The following CDK17 variants were observed in gnomAD, a reference collection of about 807,000 sequenced individuals.
CDK17 encodes the protein cyclin-dependent kinase 17.
In CDK17, 24 loss-of-function variants were observed where a neutral mutation model predicts 77.6. The ratio of observed to expected loss-of-function variants is 0.31; its 90% CI spans 0.22 to 0.44. The LOEUF (loss-of-function observed/expected upper bound fraction) is 0.44. Among genes scored for constraint, CDK17 ranks in the 20% least tolerant of loss-of-function variants. The probability of loss-of-function intolerance (pLI) is 1.00; values close to 1 mark genes in which losing one functional copy is unlikely to be tolerated. For synonymous variants in CDK17, 203 were observed against 210.4 expected (o/e 0.96, Z 0.30); for missense variants, 429 against 622.5 (o/e 0.69, Z 3.31).
intron 5 of CDK17, among the ~76,000 whole-genome samples, chr12:96,304,845 G>A (rs1269581717): frequency 1.3e-5 from 2 of 152,076 alleles, no homozygotes; most frequent in East Asian, 3.9e-4. Context: ...GCTGAGAGAT[G>A]TAAGGACTTG....
intron 1 of CDK17, among the ~76,000 whole-genome samples, chr12:96,362,321 T>C (rs901695041): frequency 2.6e-5 from 4 of 152,058 alleles, no homozygotes; most frequent in African/African-American, 7.2e-5. Flanking sequence ...TGGGTTCAAG[T>C]AATTCTCCTG....
intron 1 of CDK17, among the ~76,000 whole-genome samples, chr12:96,349,141 G>C (rs1397853951): frequency 6.6e-6 from 1 of 152,120 alleles, no homozygotes; most frequent in Non-Finnish European, 1.5e-5. Flanking sequence ...AGAATGCGAC[G>C]GTGGTTCAAC....
In CDK17 at chr12:96,400,082, G is replaced by C. The variant is rs1199789275; in HGVS notation, c.-126C>G. 1 of 390,690 alleles carries C rather than the reference G, an allele frequency of 2.6e-6. No homozygotes were observed. The highest frequency in any genetic ancestry group is 4.5e-6 in the Non-Finnish European group (1 of 221,120). 24.2% of individuals were successfully genotyped at this position (390,690 alleles called of 1,614,324 possible). On this transcript the variant is annotated 5_prime_UTR_variant, in exon 1 of 17. Transcript: ENST00000261211. ...CCCGCGGCGACCGGATGCAAGTCCG[G>C]GTCTCAGCGGCCGGCAGACGTGAGG...
chr12:96,314,195 G>C (rs1177027364), intron 3 of CDK17, among the ~76,000 whole-genome samples: 6 of 152,010 alleles, frequency 3.9e-5, no homozygotes, highest in Admixed American at 3.9e-4. Context: ...ATTAAAAACA[G>C]ACATATACTG....
intron 10 of CDK17, among the ~76,000 whole-genome samples, chr12:96,290,845 T>A (rs1952315193): frequency 2.0e-5 from 3 of 152,216 alleles, no homozygotes; most frequent in Admixed American, 2.0e-4. Context: ...TTTGTGTACA[T>A]GGCCTTCTAG....
chr12:96,280,015 C>T lies in CDK17; in HGVS notation c.*227G>A, dbSNP rs1229044134. 9 of 442,018 alleles carry T rather than the reference C, an allele frequency of 2.0e-5. No homozygotes were observed. Among genetic ancestry groups the T allele is most frequent in the Non-Finnish European group, 3.6e-5 (9 of 251,246 alleles). 27.4% of individuals were successfully genotyped at this position (442,018 alleles called of 1,614,324 possible). ...TACATCAATAGCTGTAACCTACTGG[C>T]TCTAATGGCAGAGAAGACCTTAAAA... is the stretch of plus-strand genomic sequence containing the variant. On this transcript the variant is annotated 3_prime_UTR_variant, in exon 17 of 17. Transcript: ENST00000261211.
At chr12:96,377,585 A>G (rs1369790599) in intron 1 of CDK17, among the ~76,000 whole-genome samples, 1 of 152,226 alleles carries the variant, frequency 6.6e-6, no homozygotes, top group Non-Finnish European at 1.5e-5. Flanking sequence ...AAAGTCTGAC[A>G]ACACATTCAG....
At chr12:96,370,822 T>G (rs1953679115) in intron 1 of CDK17, among the ~76,000 whole-genome samples, 1 of 152,224 alleles carries the variant, frequency 6.6e-6, no homozygotes, top group Non-Finnish European at 1.5e-5. Flanking sequence ...ATTTGTTAAC[T>G]TCGTAATGTT....
In CDK17 at chr12:96,400,301, C is replaced by T. The variant is rs1285696733; in HGVS notation, c.-345G>A. ...CGGGCGCGAGCGCGGCGGGCGCCGA[C>T]GGCGGGCTGAGACTGTCTGGCCGGG... On this transcript the variant is annotated 5_prime_UTR_variant, in exon 1 of 17. Transcript: ENST00000261211. 5 of 389,738 alleles carry T rather than the reference C, an allele frequency of 1.3e-5. No individual in the cohort carries two copies. Among genetic ancestry groups the T allele is most frequent in the Non-Finnish European group, 1.8e-5 (4 of 220,310 alleles). The allele number at this position is 389,738 out of a possible 1,614,324, so 24.1% of individuals were successfully genotyped here. A position where few individuals can be genotyped will look rare whatever the true frequency, so the allele number is the denominator to read the frequency against.
intron 3 of CDK17, among the ~76,000 whole-genome samples, chr12:96,322,727 T>C (rs1952839241): frequency 1.3e-5 from 2 of 152,218 alleles, no homozygotes; most frequent in South Asian, 2.1e-4. Context: ...TTAAAAGTGG[T>C]AAAAAATTAG....
At chr12:96,377,089 C>G (rs1953791951) in intron 1 of CDK17, among the ~76,000 whole-genome samples, 1 of 152,120 alleles carries the variant, frequency 6.6e-6, no homozygotes, top group Non-Finnish European at 1.5e-5. Context: ...CATGCTGATG[C>G]AGGTATAACC....
At chr12:96,308,696 C>T (rs940226242) in intron 5 of CDK17, among the ~76,000 whole-genome samples, 6 of 148,958 alleles carry the variant, frequency 4.0e-5, no homozygotes, top group Admixed American at 1.3e-4. Context: ...CCACTACACT[C>T]CAGCTTGGGT....
At position 96,286,697 on chromosome 12, in the gene CDK17, C is replaced by T; in HGVS notation, c.1183G>A (p.Glu395Lys). The T allele has an allele frequency of 6.2e-7, 1 of 1,613,538 alleles. No individual in the cohort carries two copies. Among genetic ancestry groups the T allele is most frequent in the Non-Finnish European group, 8.5e-7 (1 of 1,179,626 alleles). ...CGGAAAATTAAGTGCAGTTCATCTT[C>T]CACGGTTGATCCTGGAAATAAAGGT... ...GRPLFPGSTV[E>K]DELHLIFRLL... Residue 395 changes from glutamate (E) to lysine (K), a missense_variant, in exon 12 of 17, where the codon GAA (glutamate) becomes AAA (lysine). By Grantham distance (56) the Glu-to-Lys change is moderately conservative. Transcript: ENST00000261211.
Position 96,299,535 on chromosome 12 carries a change from C to T in CDK17, c.601-552G>A, listed in dbSNP as rs970457497. Among the ~76,000 whole-genome samples, 12 of 152,096 alleles carry T rather than the reference C, an allele frequency of 7.9e-5. No individual in the cohort carries two copies. In the South Asian group the frequency reaches 1.7e-3, roughly 21 times the overall value. ...CCTCCCGAGTAGCTGGGATTACAGG[C>T]GCCCGCCACCACGCCCAGCTAATTT... On this transcript the variant is annotated intron_variant, in intron 6 of 16. Transcript: ENST00000261211.
intron 4 of CDK17, among the ~76,000 whole-genome samples, chr12:96,312,227 A>C (rs1010631989): frequency 3.9e-5 from 6 of 152,180 alleles, no homozygotes; most frequent in African/African-American, 1.4e-4. Flanking sequence ...TGGTGAGCTG[A>C]GATCCCACCA....
At chr12:96,357,262 C>T (rs1217912103) in intron 1 of CDK17, among the ~76,000 whole-genome samples, 2 of 152,034 alleles carry the variant, frequency 1.3e-5, no homozygotes, top group African/African-American at 4.8e-5. Flanking sequence ...GAGTTTGAGA[C>T]TAGCCTAGGC....
At chr12:96,297,480 A>G in intron 8 of CDK17, 147 bp downstream of exon 8, 1 of 743,750 alleles carries the variant, frequency 1.3e-6, no homozygotes, top group Non-Finnish European at 2.3e-6. Flanking sequence ...ACTGATAACT[A>G]AATAATAAAG....
chr12:96,376,295 T>A (rs1312321335), intron 1 of CDK17, among the ~76,000 whole-genome samples: 4 of 152,238 alleles, frequency 2.6e-5, no homozygotes. Context: ...TCAAAACTCT[T>A]ACCTTGGTAT....
chr12:96,388,086 A>G (rs1954005702), intron 1 of CDK17, among the ~76,000 whole-genome samples: 1 of 152,210 alleles, frequency 6.6e-6, no homozygotes, highest in African/African-American at 2.4e-5. Flanking sequence ...CCTGGGCAAC[A>G]TAGTGACATC....
Sources: gnomAD v4.1 joint callset for allele counts (sites outside exome capture counted in the v4.1 genomes callset) on GRCh38, gnomAD v4.1.1 for gene constraint, MANE v1.5 for transcripts, NCBI Gene and HGNC (gene_info 2026-07-23, HGNC 2026-07-21) for gene names.